Variants in NRG1 observed in about 807,000 individuals in gnomAD.
NRG1 encodes the protein pro-neuregulin-1, membrane-bound isoform.
In NRG1, 18 loss-of-function variants were observed where a neutral mutation model predicts 63.8. The observed-to-expected ratio is 0.28, with a 90% CI of 0.19 to 0.42. The LOEUF is 0.42. Ranked by LOEUF, NRG1 falls within the 10% of genes least tolerant of loss-of-function variation. The pLI is 1.00. For missense variants in NRG1, 762 were observed against 814.7 expected (o/e 0.94, Z 0.79); for synonymous variants, 302 against 301.3 (o/e 1.00, Z -0.02).
At chr8:32,397,542 C>A (rs1384012355) in intron 1 of NRG1, among the ~76,000 whole-genome samples, 1 of 150,784 alleles carries the variant, frequency 6.6e-6, no homozygotes, top group Non-Finnish European at 1.5e-5. Flanking sequence ...AAAAAAAGAC[C>A]ATTCATAAGA....
At chr8:31,785,085 G>T (rs754254053) in intron 1 of NRG1, among the ~76,000 whole-genome samples, 1 of 152,140 alleles carries the variant, frequency 6.6e-6, no homozygotes, top group Non-Finnish European at 1.5e-5. Flanking sequence ...TTTGGAGTCT[G>T]ATCATAAAGG....
At chr8:32,665,751 G>A (rs1270530135) in intron 5 of NRG1, among the ~76,000 whole-genome samples, 1 of 152,164 alleles carries the variant, frequency 6.6e-6, no homozygotes, top group East Asian at 1.9e-4. Context: ...ATACGTGGTT[G>A]CAGATGTAAA....
chr8:31,904,648 T>C (rs1832372781), intron 1 of NRG1, among the ~76,000 whole-genome samples: 1 of 152,170 alleles, frequency 6.6e-6, no homozygotes, highest in African/African-American at 2.4e-5. Flanking sequence ...AACAGTAGAC[T>C]GGATAAAGGA....
intron 1 of NRG1, among the ~76,000 whole-genome samples, chr8:31,748,834 C>T (rs1816157985): frequency 6.6e-6 from 1 of 151,816 alleles, no homozygotes; most frequent in Admixed American, 6.6e-5. Flanking sequence ...GTAACCCATA[C>T]ATCAGACAGA....
rs10108344 is a variant in NRG1 at position 32,536,994 on chromosome 8, C to A, written c.38-58834C>A. 1.2e-3 allele frequency among the ~76,000 whole-genome samples: 179 copies of A among 144,146 alleles called. 1 individual carries two copies. Among genetic ancestry groups the A allele is most frequent in the African/African-American group, 4.3e-3 (165 of 38,706 alleles). 94.6% of individuals were successfully genotyped at this position (144,146 alleles called of 152,430 possible). On this transcript the variant is annotated intron_variant, in intron 1 of 10. Coordinates refer to the NRG1 transcript ENST00000519301. ...GCAGTGGCTCACGCCTGTAATCCCA[C>A]CATTTTGGGAGACCAGCCTGGCCAA... is the stretch of plus-strand genomic sequence containing the variant.
chr8:32,201,442 C>T (rs1788323953), intron 1 of NRG1, among the ~76,000 whole-genome samples: 1 of 152,192 alleles, frequency 6.6e-6, no homozygotes, highest in Admixed American at 6.5e-5. Flanking sequence ...GTTACCTTTT[C>T]TAAACAATTC....
intron 1 of NRG1, among the ~76,000 whole-genome samples, chr8:32,299,846 G>A (rs80265463): frequency 0.055 from 8,363 of 152,184 alleles, 270 homozygotes; most frequent in South Asian, 0.071. Flanking sequence ...CCCTTCCACT[G>A]GGTCCCTCCT....
intron 1 of NRG1, among the ~76,000 whole-genome samples, chr8:32,351,040 A>G (rs1318810974): frequency 3.3e-5 from 5 of 152,108 alleles, no homozygotes; most frequent in Admixed American, 3.3e-4. Flanking sequence ...CTATCGGTGT[A>G]CTGAGGTCTC....
intron 1 of NRG1, among the ~76,000 whole-genome samples, chr8:32,398,402 C>T (rs1428710514): frequency 1.7e-5 from 2 of 120,716 alleles, no homozygotes; most frequent in Non-Finnish European, 3.4e-5. Flanking sequence ...ACCTGTATTT[C>T]CACCCAAATT....
intron 1 of NRG1, among the ~76,000 whole-genome samples, chr8:32,529,152 C>G (rs1286709616): frequency 6.6e-5 from 10 of 152,298 alleles, no homozygotes; most frequent in South Asian, 2.1e-4. Flanking sequence ...ATCCATACAG[C>G]CTGCTACTAT....
At chr8:32,512,599 G>T (rs7828060) in intron 1 of NRG1, among the ~76,000 whole-genome samples, 22,535 of 151,910 alleles carry the variant, frequency 0.15, 3,185 homozygotes, top group East Asian at 0.63. Flanking sequence ...TTTTCCTAGT[G>T]CCTTTTATTG....
intron 9 of NRG1, among the ~76,000 whole-genome samples, chr8:32,758,954 A>G (rs1165419245): frequency 6.6e-6 from 1 of 152,198 alleles, no homozygotes; most frequent in East Asian, 1.9e-4. Flanking sequence ...CATGAAACAA[A>G]TGAATGTTGG....
At position 32,645,175 on chromosome 8, in the gene NRG1, C is replaced by A. The variant is rs138455599; in HGVS notation, c.502+28290C>A. On this transcript the variant is annotated intron_variant, in intron 5 of 11. Transcript: ENST00000356819. ...ATATTGATCATTGAGATCTTACTAT[C>A]TTTCAATTTGAATGCTTTAAATGCT... Among the ~76,000 whole-genome samples, 380 of 152,300 alleles carry A rather than the reference C, an allele frequency of 2.5e-3. 2 individuals are homozygous for A. Among genetic ancestry groups the A allele is most frequent in the African/African-American group, 8.8e-3 (367 of 41,554 alleles).
At chr8:32,163,272 T>G (rs1026832656) in intron 1 of NRG1, among the ~76,000 whole-genome samples, 17 of 152,190 alleles carry the variant, frequency 1.1e-4, no homozygotes, top group African/African-American at 3.9e-4. Flanking sequence ...CCTTTGTATG[T>G]GTGAGAGCAC....
At chr8:32,321,937 C>G (rs1424320597) in intron 1 of NRG1, among the ~76,000 whole-genome samples, 1 of 151,936 alleles carries the variant, frequency 6.6e-6, no homozygotes, top group African/African-American at 2.4e-5. Context: ...TTAACTAGAG[C>G]TTTATTCCAG....
rs1176087497 is a variant in NRG1, at chr8:31,798,429, C to A, written c.37+158998C>A. 1.8e-4 allele frequency among the ~76,000 whole-genome samples: 28 copies of A among 152,230 alleles called. 1 individual carries two copies. On this transcript the variant is annotated intron_variant, in intron 1 of 10. Transcript: ENST00000519301. Reference sequence around the variant, plus strand: ...CTGTATGGCTTAGTGATAATGTAATCTTTTGCTGTCTTGCATTGTTCCCAT... The same window carrying A: ...CTGTATGGCTTAGTGATAATGTAATATTTTGCTGTCTTGCATTGTTCCCAT...
At chr8:32,196,635 A>G (rs1430625967) in intron 1 of NRG1, among the ~76,000 whole-genome samples, 2 of 152,208 alleles carry the variant, frequency 1.3e-5, no homozygotes, top group African/African-American at 2.4e-5. Flanking sequence ...TAGTTTCCAA[A>G]TGATGGATGC....
intron 1 of NRG1, among the ~76,000 whole-genome samples, chr8:31,980,211 TA>T (rs1475281447): frequency 6.6e-6 from 1 of 152,036 alleles, no homozygotes; most frequent in African/African-American, 2.4e-5. Flanking sequence ...CTAATTGATG[TA>T]AGAAACTACT....
chr8:32,261,530 T>C (rs1202616991), intron 1 of NRG1, among the ~76,000 whole-genome samples: 1 of 152,120 alleles, frequency 6.6e-6, no homozygotes, highest in African/African-American at 2.4e-5. Flanking sequence ...TTAAATATCA[T>C]TAAGCCTTCT....
Sources: gnomAD v4.1 joint callset for allele counts (sites outside exome capture counted in the v4.1 genomes callset) on GRCh38, gnomAD v4.1.1 for gene constraint, MANE v1.5 for transcripts, NCBI Gene and HGNC (gene_info 2026-07-23, HGNC 2026-07-21) for gene names.